Variants in ZNF485 observed in about 807,000 individuals in gnomAD.
ZNF485 encodes zinc finger protein 485, also known as Zinc finger protein 93 (Zinc finger protein HTF34).
Under a neutral mutation model 10.8 loss-of-function variants are expected in ZNF485, and 9 were observed. That is an observed-to-expected ratio of 0.83 (90% CI 0.50 to 1.45). ZNF485 has a LOEUF of 1.45. Among genes scored for constraint, ZNF485 ranks in the 40% most tolerant of loss-of-function variants. ZNF485 has a pLI of 0.00. For missense variants in ZNF485, 487 were observed against 528.0 expected (o/e 0.92, Z 0.76); for synonymous variants, 187 against 181.0 (o/e 1.03, Z -0.27).
intron 4 of ZNF485, among the ~76,000 whole-genome samples, chr10:43,614,959 C>T (rs1838827693): frequency 6.6e-6 from 1 of 152,142 alleles, no homozygotes; most frequent in Non-Finnish European, 1.5e-5. Context: ...TGTGTCTTCA[C>T]GTTGCCAGCT....
chr10:43,609,434 C>A, intron 4 of ZNF485, 84 bp downstream of exon 4: 1 of 1,075,646 alleles, frequency 9.3e-7, no homozygotes, highest in Non-Finnish European at 1.4e-6. Context: ...TCTTTGAGTG[C>A]CCTGTTGGTG....
chr10:43,615,494 C>T lies in ZNF485; in HGVS notation c.248-797C>T, dbSNP rs188543946. 1.1e-3 allele frequency among the ~76,000 whole-genome samples: 166 copies of T among 152,160 alleles called. 1 individual carries two copies. Among genetic ancestry groups the T allele is most frequent in the African/African-American group, 3.8e-3 (156 of 41,502 alleles). On this transcript the variant is annotated intron_variant, in intron 4 of 4. Coordinates refer to ENST00000361807, the MANE Select transcript of ZNF485 (RefSeq NM_145312.4). ...TCAGCTCACTGCAACTTCTGCCTCC[C>T]GGGTTCAAGCGATTCTCCTGCCTCA...
In ZNF485 at chr10:43,617,189, T is replaced by C. The variant is rs781577713; in HGVS notation, c.1146T>C (p.Tyr382=). The change falls in exon 5 of 5, where the codon TAT becomes TAC. Residue 382 remains tyrosine, a synonymous_variant. Transcript: ENST00000361807. ...HQRIHTGEKP[Y]HCKKCGKAFR... ...GAATTCATACTGGAGAAAAACCCTA[T>C]CACTGTAAGAAATGTGGGAAAGCCT... 9 of 1,614,138 alleles carry C rather than the reference T, an allele frequency of 5.6e-6. No individual in the cohort carries two copies. The highest frequency in any genetic ancestry group is 7.6e-6 in the Non-Finnish European group (9 of 1,180,018).
chr10:43,608,063 T>C (rs934196947), intron 2 of ZNF485, among the ~76,000 whole-genome samples: 4 of 152,230 alleles, frequency 2.6e-5, no homozygotes, highest in African/African-American at 9.6e-5. Context: ...TTTTTAAAAA[T>C]ATTCTGCCCC....
Position 43,616,772 on chromosome 10 carries a change from A to G in ZNF485, c.729A>G (p.Lys243=). The change falls in exon 5 of 5, where the codon AAA becomes AAG. Residue 243 remains lysine, a synonymous_variant. Transcript: ENST00000361807. ...TTCATACTGGCCAGAAACCCTACAA[A>G]TGTAATGACTGTGGGAAAGCCTTCG... ...QRIHTGQKPY[K]CNDCGKAFAQ... is the part of the protein sequence containing the mutation. 6.2e-7 allele frequency: 1 copy of G among 1,614,038 alleles called. No homozygotes were observed. The highest frequency in any genetic ancestry group is 8.5e-7 in the Non-Finnish European group (1 of 1,179,964).
chr10:43,606,998 T>C lies in ZNF485; in HGVS notation c.-53T>C. ...TCAATTTCCTCTCTTCTTTCCCAGA[T>C]TGACTTACGCAGGATTCTCAGCCCT... On this transcript the variant is annotated splice_region_variant and 5_prime_UTR_variant, in exon 2 of 5. Coordinates refer to ENST00000361807, the MANE Select transcript of ZNF485 (RefSeq NM_145312.4). 1 of 1,551,020 alleles carries C rather than the reference T, an allele frequency of 6.4e-7. No individual in the cohort carries two copies.
chr10:43,614,246 T>C (rs1257364207), intron 4 of ZNF485, among the ~76,000 whole-genome samples: 1 of 152,092 alleles, frequency 6.6e-6, no homozygotes, highest in Non-Finnish European at 1.5e-5. Context: ...AGAATATTTA[T>C]TGGTCCCTAT....
intron 4 of ZNF485, among the ~76,000 whole-genome samples, chr10:43,614,070 CTGGGTG>C (rs369183147): frequency 1.3e-4 from 20 of 152,226 alleles, no homozygotes; most frequent in African/African-American, 4.8e-4. Flanking sequence ...AAAAAATTAG[CTGGGTG>C]TGGTGGCACA....
chr10:43,607,054 G>A lies in ZNF485; in HGVS notation c.4G>A (p.Ala2Thr). 1.3e-6 allele frequency: 2 copies of A among 1,551,764 alleles called. No individual in the cohort carries two copies. Residue 2 changes from alanine to threonine, a missense_variant, in exon 2 of 5, where the codon GCC (alanine) becomes ACC (threonine). Coordinates refer to ENST00000361807, the MANE Select transcript of ZNF485 (RefSeq NM_145312.4). ...GGGAGAACAGTTCAGGAGACAGATG[G>A]CCCCAAGAGCCCAGATCCAGGCAAG... M[A>T]PRAQIQGPLT... is the part of the protein sequence containing the mutation.
chr10:43,613,906 A>G (rs938822970), intron 4 of ZNF485, among the ~76,000 whole-genome samples: 11 of 152,202 alleles, frequency 7.2e-5, no homozygotes, highest in African/African-American at 2.4e-4. Flanking sequence ...ATGTCTCTAT[A>G]TCTAATGAGG....
intron 1 of ZNF485, 23 bp from the exon 2 acceptor site, chr10:43,606,974 C>G: frequency 1.3e-6 from 2 of 1,539,522 alleles, no homozygotes; most frequent in African/African-American, 2.7e-5. Context: ...GGGACTTCCT[C>G]AATTTCCTCT....
At chr10:43,608,961 G>GC (rs1457281171) in intron 3 of ZNF485, among the ~76,000 whole-genome samples, 1 of 152,166 alleles carries the variant, frequency 6.6e-6, no homozygotes, top group Non-Finnish European at 1.5e-5. Context: ...GTGCCAACTA[G>GC]CCCAGTTCTG....
intron 4 of ZNF485, among the ~76,000 whole-genome samples, chr10:43,609,792 GCC>G (rs1838733730): frequency 1.3e-5 from 2 of 152,012 alleles, no homozygotes; most frequent in African/African-American, 4.8e-5. Context: ...CCTGCCTCAG[GCC>G]CCTGAGTAGG....
chr10:43,613,047 G>T (rs1006412829), intron 4 of ZNF485, among the ~76,000 whole-genome samples: 1 of 152,010 alleles, frequency 6.6e-6, no homozygotes, highest in African/African-American at 2.4e-5. Context: ...TTTGTGTTTT[G>T]ATTTCTGTGA....
At chr10:43,607,636 A>C (rs1838678479) in intron 2 of ZNF485, among the ~76,000 whole-genome samples, 1 of 152,210 alleles carries the variant, frequency 6.6e-6, no homozygotes, top group African/African-American at 2.4e-5. Flanking sequence ...CTGATTAAAT[A>C]ATTGGTATTT....
intron 4 of ZNF485, among the ~76,000 whole-genome samples, chr10:43,614,429 A>C (rs1478434681): frequency 6.6e-6 from 1 of 152,058 alleles, no homozygotes; most frequent in Non-Finnish European, 1.5e-5. Context: ...GACTACAGAC[A>C]CATGCCACCA....
Position 43,607,006 on chromosome 10 carries a change from C to T in ZNF485, c.-45C>T, listed in dbSNP as rs150117643. Reference sequence around the variant, plus strand: ...CTCTCTTCTTTCCCAGATTGACTTACGCAGGATTCTCAGCCCTTGCCTGGG... The same window carrying T: ...CTCTCTTCTTTCCCAGATTGACTTATGCAGGATTCTCAGCCCTTGCCTGGG... On this transcript the variant is annotated 5_prime_UTR_variant, in exon 2 of 5. It adds an upstream start codon to the 5' untranslated region. Coordinates refer to ENST00000361807, the MANE Select transcript of ZNF485 (RefSeq NM_145312.4). The T allele has an allele frequency of 6.4e-7, 1 of 1,551,258 alleles. No individual in the cohort carries two copies.
intron 4 of ZNF485, among the ~76,000 whole-genome samples, chr10:43,615,645 A>G (rs1051374633): frequency 6.6e-6 from 1 of 151,840 alleles, no homozygotes; most frequent in Non-Finnish European, 1.5e-5. Context: ...CAAGTAATCC[A>G]CCCGTCTCGG....
In ZNF485 at chr10:43,608,718, CTA is replaced by C. The variant is rs1297723703; in HGVS notation, c.131_132del (p.Tyr44TrpfsTer28). ...TGTACAGGGATGTGATGCTGGAGAACTATGGGAATCTGGTGTCTGTGGGTGAG... is the reference window on the plus strand; with the variant it reads ...TGTACAGGGATGTGATGCTGGAGAACTGGGAATCTGGTGTCTGTGGGTGAG... ...ALYRDVMLEN[Y>X]GNLVSVGLLS... On this transcript the variant is annotated frameshift_variant, in exon 3 of 5. Transcript: ENST00000361807. LOFTEE classifies it high-confidence loss of function. 2 of 1,614,092 alleles carry C rather than the reference CTA, an allele frequency of 1.2e-6. No individual in the cohort carries two copies. Among genetic ancestry groups the C allele is most frequent in the African/African-American group, 2.7e-5 (2 of 75,050 alleles).
Sources: allele counts gnomAD v4.1 joint callset (sites outside exome capture counted in the v4.1 genomes callset), GRCh38; gene constraint gnomAD v4.1.1; transcripts MANE v1.5; gene names NCBI Gene and HGNC (gene_info 2026-07-23, HGNC 2026-07-21).